SLC12A8: variants seen among roughly 807,000 people sequenced by gnomAD.
SLC12A8 encodes the protein solute carrier family 12 member 8, also known as cation-chloride cotransporter 9.
Under a neutral mutation model 75.6 loss-of-function variants are expected in SLC12A8, and 69 were observed. The observed-to-expected ratio is 0.91, with a 90% CI of 0.75 to 1.11. The LOEUF (loss-of-function observed/expected upper bound fraction) is 1.11. SLC12A8 is among the 50% of genes most tolerant of loss of function. SLC12A8 has a pLI of 0.00. For missense variants in SLC12A8, 877 were observed against 896.7 expected, an observed-to-expected ratio of 0.98 and a Z score of 0.28; for synonymous variants, 365 against 372.8, an observed-to-expected ratio of 0.98 and a Z score of 0.24.
intron 5 of SLC12A8, among the ~76,000 whole-genome samples, chr3:125,164,870 ATTC>A (rs1481044859): frequency 2.0e-5 from 3 of 152,188 alleles, no homozygotes; most frequent in Non-Finnish European, 4.4e-5. Context: ...GGAGCTTGGG[ATTC>A]TTCTTTCCAC....
intron 6 of SLC12A8, among the ~76,000 whole-genome samples, chr3:125,129,512 A>C (rs115624766): frequency 0.25 from 37,445 of 151,962 alleles, 4,835 homozygotes; most frequent in African/African-American, 0.27. Flanking sequence ...CCAGAGGAGC[A>C]CCAGACCGAA....
intron 5 of SLC12A8, among the ~76,000 whole-genome samples, chr3:125,144,267 A>G (rs945269962): frequency 5.3e-5 from 8 of 152,328 alleles, no homozygotes; most frequent in African/African-American, 1.9e-4. Flanking sequence ...AAGCCTCACA[A>G]CTACCCTATG....
At chr3:125,203,174 T>C (rs530366043) in intron 2 of SLC12A8, among the ~76,000 whole-genome samples, 6 of 143,730 alleles carry the variant, frequency 4.2e-5, no homozygotes, top group African/African-American at 1.6e-4. Flanking sequence ...ATCTACAGAG[T>C]CAATACAATC....
chr3:125,096,318 C>T (rs1464240941), intron 10 of SLC12A8, among the ~76,000 whole-genome samples: 1 of 152,198 alleles, frequency 6.6e-6, no homozygotes, highest in African/African-American at 2.4e-5. Flanking sequence ...TCCCATTACT[C>T]TATTATTATT....
intron 2 of SLC12A8, chr3:125,192,534 C>T (rs969494208): frequency 1.3e-5 from 2 of 154,202 alleles, no homozygotes; most frequent in African/African-American, 2.4e-5. Context: ...CTCTTTCACG[C>T]GTGCCTTCAT....
Position 125,110,203 on chromosome 3 carries a change from A to C in SLC12A8, c.1045T>G (p.Cys349Gly), listed in dbSNP as rs376820259. 26 of 1,612,870 alleles carry C rather than the reference A, an allele frequency of 1.6e-5. No individual in the cohort carries two copies. Among genetic ancestry groups the C allele is most frequent in the African/African-American group, 2.7e-5 (2 of 74,900 alleles). Residue 349 changes from cysteine (C) to glycine (G), a missense_variant, in exon 9 of 14, where the codon TGT (cysteine) becomes GGT (glycine). By Grantham distance (159) the Cys-to-Gly change is radical. Coordinates refer to ENST00000469902, the MANE Select transcript of SLC12A8 (RefSeq NM_024628.6). The stretch of plus-strand genomic sequence containing the variant: ...GGATTACTCACCCCTTGTCCCAGAC[A>C]GGCAAGTGCAGGGATCACTTTCTCC... ...AQEKVIPALA[C>G]LGQGKGPNKT... is the part of the protein sequence containing the mutation.
intron 5 of SLC12A8, among the ~76,000 whole-genome samples, chr3:125,144,091 G>A (rs577993498): frequency 2.1e-4 from 32 of 152,284 alleles, no homozygotes; most frequent in Admixed American, 1.1e-3. Context: ...GGCCTACAGC[G>A]GAAAGAGCTG....
chr3:125,114,743 C>CT (rs1423668519), intron 8 of SLC12A8, among the ~76,000 whole-genome samples: 4 of 152,122 alleles, frequency 2.6e-5, no homozygotes, highest in African/African-American at 9.7e-5. Context: ...AACAATAATA[C>CT]TTTTGGGATA....
intron 2 of SLC12A8, among the ~76,000 whole-genome samples, chr3:125,198,809 G>A (rs928059135): frequency 4.0e-5 from 6 of 148,626 alleles, no homozygotes; most frequent in Middle Eastern, 3.4e-3. Flanking sequence ...ATGGAGTCTC[G>A]CTCTATCACC....
chr3:125,158,514 C>T (rs960332270), intron 5 of SLC12A8, among the ~76,000 whole-genome samples: 1 of 152,200 alleles, frequency 6.6e-6, no homozygotes, highest in African/African-American at 2.4e-5. Context: ...AGCCACAGTG[C>T]CTGGGCCCCC....
At chr3:125,151,618 C>T (rs1449730275) in intron 5 of SLC12A8, 1 of 152,372 alleles carries the variant, frequency 6.6e-6, no homozygotes, top group Non-Finnish European at 1.5e-5. Context: ...GGCTGCTTAG[C>T]AGAGTGGTGG....
At position 125,110,191 on chromosome 3, in the gene SLC12A8, C is replaced by T; in HGVS notation, c.1057G>A (p.Gly353Arg). The T allele has an allele frequency of 6.2e-7, 1 of 1,611,776 alleles. No homozygotes were observed. Among genetic ancestry groups the T allele is most frequent in the Non-Finnish European group, 8.5e-7 (1 of 1,178,428 alleles). ...ACCAAAAAAAGAGGATTACTCACCC[C>T]TTGTCCCAGACAGGCAAGTGCAGGG... ...VIPALACLGQ[G>R]KGPNKTPVAA... Residue 353 changes from glycine to arginine, a missense_variant and splice_region_variant, in exon 9 of 14, where the codon GGG becomes AGG. Transcript: ENST00000469902.
At chr3:125,123,638 C>T (rs1209731513) in intron 6 of SLC12A8, 3 of 152,082 alleles carry the variant, frequency 2.0e-5, no homozygotes, top group African/African-American at 7.2e-5. Context: ...AGGGGAACTC[C>T]TATTTATAAA....
intron 6 of SLC12A8, among the ~76,000 whole-genome samples, chr3:125,131,218 C>T (rs1933348915): frequency 6.6e-6 from 1 of 152,258 alleles, no homozygotes; most frequent in East Asian, 1.9e-4. Context: ...TGCCTGTGCA[C>T]TGTTTTGGCT....
At chr3:125,123,577 G>A (rs149227266) in intron 6 of SLC12A8, 2,539 of 152,218 alleles carry the variant, frequency 0.017, 26 homozygotes, top group Non-Finnish European at 0.026. Flanking sequence ...AGAAGGGGAA[G>A]GAGAAGCAAA....
intron 13 of SLC12A8, among the ~76,000 whole-genome samples, chr3:125,087,613 C>CATA (rs1938492287): frequency 6.6e-6 from 1 of 152,162 alleles, no homozygotes; most frequent in African/African-American, 2.4e-5. Context: ...TAGCCTGCAG[C>CATA]TCTAGCTCCT....
At chr3:125,105,204 C>G (rs1046527623) in intron 10 of SLC12A8, among the ~76,000 whole-genome samples, 1 of 139,350 alleles carries the variant, frequency 7.2e-6, no homozygotes, top group Non-Finnish European at 1.5e-5. Context: ...GATACAAAAT[C>G]GAGATAATAG....
intron 5 of SLC12A8, among the ~76,000 whole-genome samples, chr3:125,165,285 A>C (rs1241230783): frequency 4.6e-5 from 7 of 152,210 alleles, no homozygotes; most frequent in Admixed American, 4.6e-4. Flanking sequence ...GCAGTGAGGA[A>C]GGGTTGAGCC....
chr3:125,177,468 G>T (rs1050173765), intron 5 of SLC12A8, among the ~76,000 whole-genome samples: 2 of 151,562 alleles, frequency 1.3e-5, no homozygotes, highest in Admixed American at 6.6e-5. Context: ...AAAACTTAAA[G>T]TATAATAATA....
Sources: gnomAD v4.1 joint callset for allele counts (sites outside exome capture counted in the v4.1 genomes callset) on GRCh38, gnomAD v4.1.1 for gene constraint, MANE v1.5 for transcripts, NCBI Gene and HGNC (gene_info 2026-07-23, HGNC 2026-07-21) for gene names.